HSD17B2: variants seen among roughly 807,000 people sequenced by gnomAD.
HSD17B2 encodes 17-beta-hydroxysteroid dehydrogenase type 2.
Under a neutral mutation model 26.9 loss-of-function variants are expected in HSD17B2, and 32 were observed. That is an observed-to-expected ratio of 1.19 (90% CI 0.90 to 1.60). The LOEUF is 1.60. Ranked by LOEUF, HSD17B2 falls within the 40% of genes most tolerant of loss-of-function variation. The pLI, the probability that HSD17B2 is intolerant of heterozygous loss-of-function variation, is 0.00. For missense variants in HSD17B2, 613 were observed against 468.6 expected, an observed-to-expected ratio of 1.31 and a Z score of -2.85; for synonymous variants, 246 against 186.7, an observed-to-expected ratio of 1.32 and a Z score of -2.59.
At chr16:82,039,098 G>A (rs1229882519) in intron 1 of HSD17B2, among the ~76,000 whole-genome samples, 1 of 152,070 alleles carries the variant, frequency 6.6e-6, no homozygotes, top group Non-Finnish European at 1.5e-5. Context: ...AGTGCACCAT[G>A]GATTGATGCA....
intron 1 of HSD17B2, among the ~76,000 whole-genome samples, chr16:82,067,591 G>A (rs992810902): frequency 6.6e-6 from 1 of 152,138 alleles, no homozygotes; most frequent in Non-Finnish European, 1.5e-5. Flanking sequence ...TAGGCTTGAC[G>A]TCTATTCCAT....
chr16:82,086,080 G>C (rs1300948598), intron 3 of HSD17B2, among the ~76,000 whole-genome samples: 1 of 152,126 alleles, frequency 6.6e-6, no homozygotes, highest in Non-Finnish European at 1.5e-5. Flanking sequence ...TCCCCAGTAA[G>C]TTAAACTTAG....
chr16:82,042,191 G>A (rs1398618667), intron 1 of HSD17B2, among the ~76,000 whole-genome samples: 1 of 151,576 alleles, frequency 6.6e-6, no homozygotes, highest in Non-Finnish European at 1.5e-5. Context: ...TTTTAGTAGA[G>A]AGGGGGTTAC....
intron 1 of HSD17B2, among the ~76,000 whole-genome samples, chr16:82,040,046 A>G (rs1303318612): frequency 6.6e-6 from 1 of 152,262 alleles, no homozygotes; most frequent in Non-Finnish European, 1.5e-5. Context: ...TAGCTACAAC[A>G]AATACAGCTA....
At chr16:82,066,167 T>C (rs1914566887) in intron 1 of HSD17B2, among the ~76,000 whole-genome samples, 1 of 152,234 alleles carries the variant, frequency 6.6e-6, no homozygotes, top group African/African-American at 2.4e-5. Flanking sequence ...TATCACATGG[T>C]CCAGACACTT....
chr16:82,041,278 A>G (rs1280655983), intron 1 of HSD17B2, among the ~76,000 whole-genome samples: 1 of 152,206 alleles, frequency 6.6e-6, no homozygotes, highest in Non-Finnish European at 1.5e-5. Context: ...TGAACCAACC[A>G]TGTGGGTGAA....
At chr16:82,043,017 G>C (rs1913809800) in intron 1 of HSD17B2, among the ~76,000 whole-genome samples, 1 of 152,230 alleles carries the variant, frequency 6.6e-6, no homozygotes, top group Non-Finnish European at 1.5e-5. Flanking sequence ...CTGCAGAGAG[G>C]AGCAGGCAGA....
At chr16:82,091,118 C>T in intron 4 of HSD17B2, 79 bp downstream of exon 4, 1 of 1,322,644 alleles carries the variant, frequency 7.6e-7, no homozygotes. Context: ...ACAGAGCACA[C>T]ATTGAACCCC....
chr16:82,070,303 A>T (rs1049658660), intron 2 of HSD17B2, among the ~76,000 whole-genome samples: 3 of 152,038 alleles, frequency 2.0e-5, no homozygotes, highest in Non-Finnish European at 2.9e-5. Flanking sequence ...AGTCCTGTCA[A>T]TTCCACCTCC....
intron 1 of HSD17B2, among the ~76,000 whole-genome samples, chr16:82,051,776 T>C (rs910810350): frequency 3.3e-5 from 5 of 152,220 alleles, no homozygotes; most frequent in South Asian, 2.1e-4. Flanking sequence ...GAATCGTTAG[T>C]TGCAGCTTCT....
chr16:82,076,559 A>C (rs893567369), intron 3 of HSD17B2, among the ~76,000 whole-genome samples: 20 of 152,240 alleles, frequency 1.3e-4, no homozygotes, highest in African/African-American at 4.6e-4. Flanking sequence ...CGAAATCAAC[A>C]TACAAAAATC....
At chr16:82,097,798 G>C (rs980923497) in intron 4 of HSD17B2, 30 of 224,216 alleles carry the variant, frequency 1.3e-4, no homozygotes, top group African/African-American at 6.8e-4. Flanking sequence ...AATTAGCCGG[G>C]CATGTTGGTG....
chr16:82,069,947 A>G (rs1196358821), intron 2 of HSD17B2, among the ~76,000 whole-genome samples: 2 of 152,170 alleles, frequency 1.3e-5, no homozygotes, highest in African/African-American at 4.8e-5. Context: ...CCCAGGCATC[A>G]TTAGTTTATA....
intron 3 of HSD17B2, among the ~76,000 whole-genome samples, chr16:82,083,614 C>T (rs1904439920): frequency 6.6e-6 from 1 of 152,148 alleles, no homozygotes; most frequent in African/African-American, 2.4e-5. Flanking sequence ...AAAACCATCC[C>T]ACCATGAGGA....
At chr16:82,096,792 C>T (rs1034795220) in intron 4 of HSD17B2, 1 of 152,004 alleles carries the variant, frequency 6.6e-6, no homozygotes, top group Non-Finnish European at 1.5e-5. Context: ...GAATACTATG[C>T]TGAAAGGAGA....
At chr16:82,071,545 C>T (rs1914698872) in intron 3 of HSD17B2, 2 of 300,198 alleles carry the variant, frequency 6.7e-6, no homozygotes, top group South Asian at 6.4e-5. Flanking sequence ...TCTGTTTGTG[C>T]CATCAAACAA....
At chr16:82,054,364 G>T (rs1414128379) in intron 1 of HSD17B2, among the ~76,000 whole-genome samples, 2 of 150,538 alleles carry the variant, frequency 1.3e-5, no homozygotes, top group East Asian at 3.9e-4. Context: ...TTTTTTTTTG[G>T]GACAGAGTCT....
intron 1 of HSD17B2, among the ~76,000 whole-genome samples, chr16:82,062,018 T>G (rs533765331): frequency 1.1e-4 from 16 of 152,294 alleles, no homozygotes; most frequent in Admixed American, 5.9e-4. Context: ...CGTGCCCAAT[T>G]TAAGACTTGA....
At chr16:82,079,902 G>T (rs925134527) in intron 3 of HSD17B2, among the ~76,000 whole-genome samples, 3 of 152,160 alleles carry the variant, frequency 2.0e-5, no homozygotes, top group African/African-American at 7.2e-5. Context: ...GCTTATCTGG[G>T]AGTTCATTGC....
Sources: allele counts gnomAD v4.1 joint callset (sites outside exome capture counted in the v4.1 genomes callset), GRCh38; gene constraint gnomAD v4.1.1; transcripts MANE v1.5; gene names NCBI Gene and HGNC (gene_info 2026-07-23, HGNC 2026-07-21).